The following SHROOM2 variants were observed in gnomAD, a reference collection of about 807,000 sequenced individuals.
SHROOM2 encodes shroom family member 2, also known as protein Shroom2.
SHROOM2 carries 33 observed loss-of-function variants against 75.9 expected under a neutral mutation model. The observed-to-expected ratio is 0.43, with a 90% CI of 0.33 to 0.58. The LOEUF is 0.58. Ranked by LOEUF, SHROOM2 falls within the 20% of genes least tolerant of loss-of-function variation. The pLI, the probability that SHROOM2 is intolerant of heterozygous loss-of-function variation, is 0.04. For missense variants in SHROOM2, 1,434 were observed against 1,461.2 expected, an observed-to-expected ratio of 0.98 and a Z score of 0.30; for synonymous variants, 655 against 663.6, an observed-to-expected ratio of 0.99 and a Z score of 0.20.
At chrX:9,875,763 C>T (rs2084197681) in intron 2 of SHROOM2, among the ~76,000 whole-genome samples, 2 of 112,877 alleles carry the variant, frequency 1.8e-5, no homozygotes, top group African/African-American at 3.2e-5. Flanking sequence ...TGTTTGTATT[C>T]TCTGAATGTG....
At chrX:9,915,675 G>A (rs1289589392) in intron 5 of SHROOM2, among the ~76,000 whole-genome samples, 2 of 112,611 alleles carry the variant, frequency 1.8e-5, no homozygotes, top group Admixed American at 1.9e-4. Context: ...ACACGTGTGT[G>A]TGTATACACA....
At chrX:9,893,582 G>A (rs2084305796) in intron 3 of SHROOM2, among the ~76,000 whole-genome samples, 1 of 112,116 alleles carries the variant, frequency 8.9e-6, no homozygotes, top group Middle Eastern at 4.2e-3. Context: ...TGTATGAACT[G>A]AAATTTGAAT....
At chrX:9,815,448 G>A (rs1228303977) in intron 1 of SHROOM2, among the ~76,000 whole-genome samples, 8 of 101,147 alleles carry the variant, frequency 7.9e-5, no homozygotes, top group African/African-American at 3.0e-4. Context: ...GTGTGTGTGT[G>A]TGTGTGTGTG....
At chrX:9,838,418 C>T (rs932199339) in intron 1 of SHROOM2, among the ~76,000 whole-genome samples, 1 of 110,714 alleles carries the variant, frequency 9.0e-6, no homozygotes, top group Non-Finnish European at 1.9e-5. Flanking sequence ...CCAACACCCA[C>T]GGCAGCTAAA....
intron 1 of SHROOM2, among the ~76,000 whole-genome samples, chrX:9,791,973 AT>A (rs1300564327): frequency 0.069 from 2 of 29 alleles, no homozygotes; most frequent in Admixed American, 0.25. Context: ...CATCTCGAGA[AT>A]AGAATAGAAT....
At chrX:9,841,392 C>T (rs752745413) in intron 1 of SHROOM2, among the ~76,000 whole-genome samples, 5 of 111,810 alleles carry the variant, frequency 4.5e-5, no homozygotes, top group Non-Finnish European at 9.4e-5. Context: ...TGAATCGTTT[C>T]ATTTGCCTTC....
intron 1 of SHROOM2, among the ~76,000 whole-genome samples, chrX:9,870,663 G>C (rs1478599998): frequency 8.9e-6 from 1 of 112,263 alleles, no homozygotes; most frequent in African/African-American, 3.2e-5. Flanking sequence ...TACTTAAAGA[G>C]ACCAATCTTT....
At chrX:9,901,338 G>A (rs1209428357) in intron 5 of SHROOM2, among the ~76,000 whole-genome samples, 1 of 111,832 alleles carries the variant, frequency 8.9e-6, no homozygotes, top group African/African-American at 3.3e-5. Context: ...ATTTTGTGGG[G>A]CACAGTTCAG....
intron 5 of SHROOM2, among the ~76,000 whole-genome samples, chrX:9,918,852 C>T (rs1380122311): frequency 1.8e-5 from 2 of 111,948 alleles, no homozygotes; most frequent in Admixed American, 1.9e-4. Flanking sequence ...ACTGCATCAC[C>T]TTCCAAAGGC....
Position 9,786,458 on chromosome X carries a change from T to C in SHROOM2, c.-88T>C, listed in dbSNP as rs1262626735. The C allele has an allele frequency of 2.8e-6, 2 of 716,158 alleles. No individual in the cohort carries two copies. The highest frequency in any genetic ancestry group is 3.4e-6 in the Non-Finnish European group (2 of 583,188). The allele number at this position is 716,158 out of a possible 1,213,427, so 59.0% of individuals were successfully genotyped here. A position where few individuals can be genotyped will look rare whatever the true frequency, so the allele number is the denominator to read the frequency against. On this transcript the variant is annotated 5_prime_UTR_variant, in exon 1 of 10. Transcript: ENST00000380913. ...TCTTTCCAAGTTACGGCGCAAGTTC[T>C]GCGGCGCTCGGAGCCTCCCTTGCGA...
intron 1 of SHROOM2, among the ~76,000 whole-genome samples, chrX:9,826,276 A>G (rs984383084): frequency 1.8e-5 from 2 of 112,554 alleles, no homozygotes; most frequent in South Asian, 3.7e-4. Flanking sequence ...TGTGCTCTTC[A>G]TGCATAACCT....
intron 1 of SHROOM2, chrX:9,865,078 C>T (rs2084127543): frequency 8.9e-6 from 1 of 111,751 alleles, no homozygotes; most frequent in Admixed American, 9.5e-5. Flanking sequence ...AAAGGCCTGA[C>T]CATGACTGCA....
intron 1 of SHROOM2, among the ~76,000 whole-genome samples, chrX:9,787,992 C>CTTTTTTTTTTTTTTTTTTTTTTTT (rs58004470): frequency 3.6e-5 from 3 of 84,230 alleles, no homozygotes; most frequent in African/African-American, 1.3e-4. Context: ...TTTCTTTCTT[C>CTTTTTTTTTTTTTTTTTTTTTTTT]TTTTTTTTTT....
intron 1 of SHROOM2, among the ~76,000 whole-genome samples, chrX:9,846,146 A>C (rs1053829532): frequency 9.2e-6 from 1 of 109,103 alleles, no homozygotes; most frequent in African/African-American, 3.3e-5. Context: ...TTGAGACAGG[A>C]TCTCACTCTG....
chrX:9,913,840 A>C (rs752458057), intron 5 of SHROOM2, among the ~76,000 whole-genome samples: 5 of 112,246 alleles, frequency 4.5e-5, no homozygotes, highest in Admixed American at 3.8e-4. Context: ...ATCATATAAA[A>C]AAACTGAAGA....
chrX:9,932,802 G>A lies in SHROOM2; in HGVS notation c.3519G>A (p.Ser1173=), dbSNP rs774912541. Residue 1173 remains serine (S), a synonymous_variant, in exon 6 of 10, where the codon TCG becomes TCA. Coordinates refer to ENST00000380913, the MANE Select transcript of SHROOM2 (RefSeq NM_001649.4). The stretch of plus-strand genomic sequence containing the variant: ...CCATGGAGACCTCGCGCTCCCCCTC[G>A]CCCCAGTTCGCCCCCCAGAAACTGA... ...TATMETSRSP[S]PQFAPQKLTD... The A allele has an allele frequency of 1.7e-5, 20 of 1,204,451 alleles. No homozygotes were observed. Among genetic ancestry groups the A allele is most frequent in the East Asian group, 5.9e-5 (2 of 33,745 alleles).
chrX:9,941,778 T>C (rs958697742), intron 8 of SHROOM2, among the ~76,000 whole-genome samples: 2 of 109,056 alleles, frequency 1.8e-5, no homozygotes, highest in African/African-American at 3.3e-5. Flanking sequence ...GAGGCCATCC[T>C]GGCTAACATG....
intron 5 of SHROOM2, among the ~76,000 whole-genome samples, chrX:9,929,676 A>G (rs2084629215): frequency 8.9e-6 from 1 of 111,768 alleles, no homozygotes; most frequent in Non-Finnish European, 1.9e-5. Flanking sequence ...TGGGTGACCA[A>G]AGGCACTTGG....
chrX:9,849,499 C>G (rs1284471720), intron 1 of SHROOM2, among the ~76,000 whole-genome samples: 1 of 112,070 alleles, frequency 8.9e-6, no homozygotes, highest in Non-Finnish European at 1.9e-5. Flanking sequence ...GCGGGCGTGG[C>G]TAGGAGTTTG....
Sources: gnomAD v4.1 joint callset for allele counts (sites outside exome capture counted in the v4.1 genomes callset) on GRCh38, gnomAD v4.1.1 for gene constraint, MANE v1.5 for transcripts, NCBI Gene and HGNC (gene_info 2026-07-23, HGNC 2026-07-21) for gene names.